The following PCDH15 variants were observed in gnomAD, a reference collection of about 807,000 sequenced individuals.
PCDH15 encodes protocadherin-15.
In PCDH15, 129 loss-of-function variants were observed where a neutral mutation model predicts 178.5. The observed-to-expected ratio is 0.72, with a 90% confidence interval of 0.63 to 0.84. The LOEUF is 0.84. Among genes scored for constraint, PCDH15 ranks in the 40% least tolerant of loss-of-function variants. The pLI, the probability that PCDH15 is intolerant of heterozygous loss-of-function variation, is 0.00. For missense variants in PCDH15, 2,230 were observed against 2,099.9 expected (o/e 1.06, Z -1.21); for synonymous variants, 800 against 732.0 (o/e 1.09, Z -1.50).
rs190236280 is a variant in PCDH15 at position 53,916,557 on chromosome 10, C to T, written c.3374-13187G>A. Reference sequence around the variant, plus strand: ...GAGAAAAAAAGACACTATTTTAAATCATTTTTATTTATTAAACACTAGCTC... The same window carrying T: ...GAGAAAAAAAGACACTATTTTAAATTATTTTTATTTATTAAACACTAGCTC... On this transcript the variant is annotated intron_variant, in intron 25 of 37. Transcript: ENST00000644397. Among the ~76,000 whole-genome samples the T allele has an allele frequency of 2.1e-3, 322 of 152,188 alleles. 1 individual carries two copies. The highest frequency in any genetic ancestry group is 7.1e-3 in the African/African-American group (296 of 41,546).
intron 1 of PCDH15, among the ~76,000 whole-genome samples, chr10:54,693,965 T>C (rs1433549764): frequency 1.3e-5 from 2 of 152,110 alleles, no homozygotes; most frequent in Non-Finnish European, 1.5e-5. Context: ...TTAATTTAGA[T>C]CCAACTAGGC....
At position 54,220,088 on chromosome 10, in the gene PCDH15, A is replaced by G. The variant is rs572358313; in HGVS notation, c.986-6040T>C. On this transcript the variant is annotated intron_variant, in intron 9 of 37. Coordinates refer to ENST00000644397, the MANE Select transcript of PCDH15 (RefSeq NM_001384140.1). Reference sequence around the variant, plus strand: ...ATTTGCTTTGGTTTGCTTTTACCCTAGCTTTCATCAGCATAGAATGGAGCA... The same window carrying G: ...ATTTGCTTTGGTTTGCTTTTACCCTGGCTTTCATCAGCATAGAATGGAGCA... Among the ~76,000 whole-genome samples the G allele has an allele frequency of 9.2e-4, 140 of 152,322 alleles. 1 individual carries two copies. The highest frequency in any genetic ancestry group is 6.8e-3 in the Middle Eastern group (2 of 294).
intron 2 of PCDH15, among the ~76,000 whole-genome samples, chr10:55,394,102 C>A (rs938026907): frequency 2.0e-5 from 3 of 152,054 alleles, no homozygotes; most frequent in Non-Finnish European, 2.9e-5. Context: ...TCAGTCCATG[C>A]CAGAGACTAT....
intron 2 of PCDH15, among the ~76,000 whole-genome samples, chr10:55,442,731 G>C (rs545341215): frequency 9.2e-5 from 14 of 151,562 alleles, no homozygotes; most frequent in Non-Finnish European, 1.6e-4. Context: ...TGATAAACTA[G>C]ATTGTGAATG....
chr10:55,286,032 T>C (rs541015154), intron 1 of PCDH15, among the ~76,000 whole-genome samples: 1 of 152,134 alleles, frequency 6.6e-6, no homozygotes, highest in East Asian at 1.9e-4. Context: ...GCTGTGATGA[T>C]AAATCTGAAA....
intron 2 of PCDH15, among the ~76,000 whole-genome samples, chr10:54,588,144 G>C (rs1036765311): frequency 6.6e-6 from 1 of 152,072 alleles, no homozygotes; most frequent in African/African-American, 2.4e-5. Flanking sequence ...TTATCTGTTT[G>C]TTTAAAGTGA....
intron 15 of PCDH15, among the ~76,000 whole-genome samples, chr10:54,098,751 T>A (rs986659446): frequency 1.3e-4 from 20 of 152,204 alleles, no homozygotes; most frequent in Non-Finnish European, 2.5e-4. Context: ...CCTCTTTTAC[T>A]ACTACTTATT....
intron 25 of PCDH15, among the ~76,000 whole-genome samples, chr10:53,907,393 G>A (rs1589361554): frequency 2.0e-5 from 3 of 152,186 alleles, no homozygotes; most frequent in Admixed American, 6.5e-5. Context: ...AGGGAACAAC[G>A]TGCGTGCCTA....
chr10:55,085,198 G>A (rs59340643), intron 2 of PCDH15, among the ~76,000 whole-genome samples: 4,781 of 151,976 alleles, frequency 0.031, 244 homozygotes, highest in East Asian at 0.14. Flanking sequence ...GCAAACAAAT[G>A]AATAAAGAAA....
intron 23 of PCDH15, among the ~76,000 whole-genome samples, chr10:53,944,111 T>C (rs1035686722): frequency 6.6e-6 from 1 of 151,990 alleles, no homozygotes. Context: ...TATAAATTAA[T>C]AGGGAGAGGA....
chr10:54,520,019 G>C (rs1178769690), intron 3 of PCDH15, among the ~76,000 whole-genome samples: 1 of 152,120 alleles, frequency 6.6e-6, no homozygotes, highest in East Asian at 1.9e-4. Flanking sequence ...TATGTAGAAA[G>C]CTGAAACTGG....
chr10:53,871,722 CTTGTTTTGTT>C (rs201361066), intron 26 of PCDH15, among the ~76,000 whole-genome samples: 3,461 of 149,554 alleles, frequency 0.023, 125 homozygotes, highest in East Asian at 0.13. Context: ...GCTTCCAGTT[CTTGTTTTGTT>C]TTGTTTTGTT....
At chr10:55,588,753 AT>A (rs1842776140) in intron 2 of PCDH15, among the ~76,000 whole-genome samples, 1 of 152,128 alleles carries the variant, frequency 6.6e-6, no homozygotes, top group Non-Finnish European at 1.5e-5. Context: ...TGAATATAAA[AT>A]TTTGCTCTAG....
chr10:53,969,807 C>T (rs2089477456), intron 21 of PCDH15, among the ~76,000 whole-genome samples: 1 of 152,090 alleles, frequency 6.6e-6, no homozygotes, highest in Non-Finnish European at 1.5e-5. Context: ...CAAACAAATG[C>T]TGAGATATTT....
chr10:53,951,850 G>C (rs2087086248), intron 23 of PCDH15, among the ~76,000 whole-genome samples: 1 of 152,144 alleles, frequency 6.6e-6, no homozygotes. Context: ...AGCAAGGTGG[G>C]GATGAGAGTG....
chr10:54,986,494 GA>G (rs1302851220), intron 2 of PCDH15, among the ~76,000 whole-genome samples: 3 of 152,080 alleles, frequency 2.0e-5, no homozygotes, highest in African/African-American at 7.2e-5. Flanking sequence ...ATCTGTATTT[GA>G]ATTATTTAGC....
At chr10:54,729,775 T>C (rs1444391607) in intron 1 of PCDH15, among the ~76,000 whole-genome samples, 1 of 151,628 alleles carries the variant, frequency 6.6e-6, no homozygotes, top group Admixed American at 6.6e-5. Context: ...AAAGAAGACA[T>C]ATATGCAGTA....
At chr10:54,165,188 C>CGGA (rs35785693) in intron 13 of PCDH15, among the ~76,000 whole-genome samples, 33,333 of 151,826 alleles carry the variant, frequency 0.22, 5,000 homozygotes, top group East Asian at 0.87. Flanking sequence ...TGCTTTAAAG[C>CGGA]CAAAAAGCAT....
intron 15 of PCDH15, among the ~76,000 whole-genome samples, chr10:54,099,422 C>T (rs1260652735): frequency 7.0e-6 from 1 of 142,258 alleles, no homozygotes; most frequent in African/African-American, 2.6e-5. Context: ...ATGTATGAAC[C>T]CAGGAGGAGG....
Sources: allele counts gnomAD v4.1 joint callset (sites outside exome capture counted in the v4.1 genomes callset), GRCh38; gene constraint gnomAD v4.1.1; transcripts MANE v1.5; gene names NCBI Gene and HGNC (gene_info 2026-07-23, HGNC 2026-07-21).